CYP7B1: variants seen among roughly 807,000 people sequenced by gnomAD.
The protein encoded by CYP7B1 is cytochrome P450 7B1.
In CYP7B1, 29 loss-of-function variants were observed where a neutral mutation model predicts 42.7. The ratio of observed to expected loss-of-function variants is 0.68; its 90% CI spans 0.51 to 0.93. The LOEUF (loss-of-function observed/expected upper bound fraction) is 0.93, where lower values mean the gene tolerates loss of function less well. CYP7B1 is among the 40% of genes least tolerant of loss of function. The pLI is 0.00. For synonymous variants in CYP7B1, 235 were observed against 218.2 expected, an observed-to-expected ratio of 1.08 and a Z score of -0.68; for missense variants, 655 against 600.5, an observed-to-expected ratio of 1.09 and a Z score of -0.95.
intron 1 of CYP7B1, among the ~76,000 whole-genome samples, chr8:64,698,367 C>T (rs928202669): frequency 6.6e-6 from 1 of 152,062 alleles, no homozygotes; most frequent in Non-Finnish European, 1.5e-5. Flanking sequence ...GGAATTCTTT[C>T]CTACTCTTTC....
intron 2 of CYP7B1, among the ~76,000 whole-genome samples, chr8:64,621,441 A>C (rs1026781090): frequency 6.6e-6 from 1 of 152,238 alleles, no homozygotes; most frequent in African/African-American, 2.4e-5. Flanking sequence ...CTCTGGCCTC[A>C]AAAGTTGAGT....
intron 1 of CYP7B1, among the ~76,000 whole-genome samples, chr8:64,769,127 G>A (rs750500276): frequency 6.6e-6 from 1 of 152,136 alleles, no homozygotes; most frequent in Non-Finnish European, 1.5e-5. Context: ...AAACAATTGA[G>A]TAAAACCAAA....
intron 1 of CYP7B1, among the ~76,000 whole-genome samples, chr8:64,722,571 A>G (rs1352517073): frequency 6.6e-6 from 1 of 152,018 alleles, no homozygotes; most frequent in Non-Finnish European, 1.5e-5. Context: ...ATGAGATAAC[A>G]CAGTAGTTTT....
chr8:64,604,662 T>C lies in CYP7B1; in HGVS notation c.1233+20A>G, dbSNP rs1208669561. On this transcript the variant is annotated intron_variant, in intron 5 of 5. Transcript: ENST00000310193. ...CACAGGATCTAAGAAGTAGCAATCATAGGCTTGATGTTTACTTACCTCTGG... is the reference window on the plus strand; with the variant it reads ...CACAGGATCTAAGAAGTAGCAATCACAGGCTTGATGTTTACTTACCTCTGG... 1 of 1,613,588 alleles carries C rather than the reference T, an allele frequency of 6.2e-7. No homozygotes were observed. The highest frequency in any genetic ancestry group is 2.2e-5 in the East Asian group (1 of 44,888).
intron 1 of CYP7B1, among the ~76,000 whole-genome samples, chr8:64,752,227 A>T (rs1807736578): frequency 6.6e-6 from 1 of 152,188 alleles, no homozygotes; most frequent in Non-Finnish European, 1.5e-5. Context: ...GCTGTAAGCA[A>T]GTCAGTGATC....
At chr8:64,790,080 T>C (rs1804592806) in intron 1 of CYP7B1, among the ~76,000 whole-genome samples, 1 of 152,128 alleles carries the variant, frequency 6.6e-6, no homozygotes, top group African/African-American at 2.4e-5. Context: ...AGTTACTAGA[T>C]AGATGTAAGA....
chr8:64,725,000 G>T (rs920594019), intron 1 of CYP7B1, among the ~76,000 whole-genome samples: 17 of 152,190 alleles, frequency 1.1e-4, no homozygotes, highest in Non-Finnish European at 1.9e-4. Context: ...CATTCCAGAG[G>T]TTTCCTGCCC....
rs537845104 is a variant in CYP7B1, at chr8:64,591,870, C to G, written c.*4772G>C. Among the ~76,000 whole-genome samples the G allele has an allele frequency of 1.2e-4, 18 of 151,992 alleles. No homozygotes were observed. In the South Asian group the frequency reaches 3.3e-3, roughly 28 times the overall value. ...TATTAATTATTTATTTCTTTTAATT[C>G]AAAACTTAGGTGAAGCTATAAAAAT... On this transcript the variant is annotated 3_prime_UTR_variant, in exon 6 of 6. Coordinates refer to ENST00000310193, the MANE Select transcript of CYP7B1 (RefSeq NM_004820.5).
intron 1 of CYP7B1, among the ~76,000 whole-genome samples, chr8:64,780,793 G>A (rs970979269): frequency 2.6e-5 from 4 of 151,896 alleles, no homozygotes; most frequent in African/African-American, 4.8e-5. Flanking sequence ...ATTATTTTTG[G>A]GAAATCGGTG....
At chr8:64,736,403 C>A (rs943335260) in intron 1 of CYP7B1, among the ~76,000 whole-genome samples, 2 of 152,262 alleles carry the variant, frequency 1.3e-5, no homozygotes, top group Middle Eastern at 3.4e-3. Context: ...CAAGAAAATA[C>A]AAACAAATAT....
At position 64,616,003 on chromosome 8, in the gene CYP7B1, G is replaced by C. The variant is rs1298248066; in HGVS notation, c.538C>G (p.Leu180Val). Reference sequence around the variant, plus strand: ...ATTATTGAGCTGCAGAATGGATACAGTTCTGCCGTGTCCCAACTTGTGGTT... The same window carrying C: ...ATTATTGAGCTGCAGAATGGATACACTTCTGCCGTGTCCCAACTTGTGGTT... ...LKTTSWDTAE[L>V]YPFCSSIIFE... Residue 180 changes from leucine to valine, a missense_variant, in exon 3 of 6, where the codon CTG becomes GTG. Leu to Val is a conservative substitution (Grantham distance 32, BLOSUM62 1). Coordinates refer to ENST00000310193, the MANE Select transcript of CYP7B1 (RefSeq NM_004820.5). 3.1e-6 allele frequency: 5 copies of C among 1,613,610 alleles called. No homozygotes were observed. The African/African-American group carries it at 6.7e-5, about 22-fold the overall frequency.
intron 1 of CYP7B1, among the ~76,000 whole-genome samples, chr8:64,752,009 T>C (rs906881323): frequency 3.3e-5 from 5 of 152,188 alleles, no homozygotes; most frequent in Non-Finnish European, 5.9e-5. Context: ...CACTCAATTT[T>C]GTTATTTATA....
intron 1 of CYP7B1, among the ~76,000 whole-genome samples, chr8:64,657,922 C>T (rs1806145338): frequency 6.6e-6 from 1 of 152,164 alleles, no homozygotes; most frequent in Non-Finnish European, 1.5e-5. Flanking sequence ...AAATTTACTT[C>T]TCATAGTTCT....
At chr8:64,701,898 C>T (rs968513077) in intron 1 of CYP7B1, among the ~76,000 whole-genome samples, 1 of 152,010 alleles carries the variant, frequency 6.6e-6, no homozygotes, top group African/African-American at 2.4e-5. Flanking sequence ...TAATAAAGCA[C>T]TGTAGCTAAC....
intron 1 of CYP7B1, among the ~76,000 whole-genome samples, chr8:64,792,735 C>T (rs942564796): frequency 2.6e-5 from 4 of 152,058 alleles, no homozygotes; most frequent in African/African-American, 9.7e-5. Flanking sequence ...CACAGATCCT[C>T]GCAAATACGT....
chr8:64,662,210 G>C (rs968631584), intron 1 of CYP7B1, among the ~76,000 whole-genome samples: 2 of 152,192 alleles, frequency 1.3e-5, no homozygotes, highest in African/African-American at 2.4e-5. Flanking sequence ...GTATGCACTT[G>C]TAGTCTCAGC....
intron 2 of CYP7B1, among the ~76,000 whole-genome samples, chr8:64,623,925 ATGAT>A: frequency 6.6e-6 from 1 of 152,308 alleles, no homozygotes; most frequent in African/African-American, 2.4e-5. Flanking sequence ...TGGATTTTTA[ATGAT>A]TGATCAATAT....
chr8:64,646,492 A>G (rs1403504283), intron 1 of CYP7B1, among the ~76,000 whole-genome samples: 1 of 152,238 alleles, frequency 6.6e-6, no homozygotes, highest in African/African-American at 2.4e-5. Context: ...CACTGGCTTC[A>G]ACTTAAAGTC....
rs747238529 is a variant in CYP7B1, at chr8:64,592,186, TA to T, written c.*4455del. ...CTGGGCGACAGAGCAAGACTCCATC[TA>T]AAAAAAAAAAAGGATGGGATTTTAC... On this transcript the variant is annotated 3_prime_UTR_variant, in exon 6 of 6. Coordinates refer to ENST00000310193, the MANE Select transcript of CYP7B1 (RefSeq NM_004820.5). 2.7e-3 allele frequency among the ~76,000 whole-genome samples: 374 copies of T among 140,202 alleles called. No homozygotes were observed. Among genetic ancestry groups the T allele is most frequent in the Middle Eastern group, 3.6e-3 (1 of 274 alleles). The allele number at this position is 140,202 out of a possible 152,430, so 92.0% of individuals were successfully genotyped here.
Sources: allele counts gnomAD v4.1 joint callset (sites outside exome capture counted in the v4.1 genomes callset), GRCh38; gene constraint gnomAD v4.1.1; transcripts MANE v1.5; gene names NCBI Gene and HGNC (gene_info 2026-07-23, HGNC 2026-07-21).